The following LRRC7 variants were observed in gnomAD, a reference collection of about 807,000 sequenced individuals.
LRRC7 encodes the protein leucine-rich repeat-containing protein 7.
A neutral mutation model predicts 175.7 loss-of-function variants in LRRC7; 23 were observed. That is an observed-to-expected ratio of 0.13 (90% CI 0.09 to 0.19). The LOEUF (loss-of-function observed/expected upper bound fraction) is 0.19. Ranked by LOEUF, LRRC7 falls within the 10% of genes least tolerant of loss-of-function variation. The pLI, the probability that LRRC7 is intolerant of heterozygous loss-of-function variation, is 1.00. For missense variants in LRRC7, 1,354 were observed against 1,904.7 expected (o/e 0.71, Z 5.38); for synonymous variants, 685 against 680.9 (o/e 1.01, Z -0.09).
intron 16 of LRRC7, 152 bp from the exon 17 acceptor site, chr1:70,022,974 G>C: frequency 1.0e-6 from 1 of 960,046 alleles, no homozygotes; most frequent in Non-Finnish European, 1.4e-6. Flanking sequence ...AATTAGTACT[G>C]TTTTATACAT....
intron 18 of LRRC7, among the ~76,000 whole-genome samples, chr1:70,028,801 C>CT (rs1558002935): frequency 6.6e-6 from 1 of 152,082 alleles, no homozygotes; most frequent in Admixed American, 6.6e-5. Context: ...TGGGTTACAA[C>CT]TTTTCTAGGA....
chr1:70,090,867 G>T (rs1663981182), intron 25 of LRRC7, among the ~76,000 whole-genome samples: 1 of 152,120 alleles, frequency 6.6e-6, no homozygotes, highest in African/African-American at 2.4e-5. Context: ...GCCCGAAACA[G>T]AGCCTTTAAC....
intron 7 of LRRC7, among the ~76,000 whole-genome samples, chr1:69,921,592 A>C (rs979364896): frequency 7.9e-5 from 12 of 152,106 alleles, no homozygotes; most frequent in African/African-American, 2.9e-4. Context: ...CTCCTATCTG[A>C]CATCACATTA....
intron 4 of LRRC7, among the ~76,000 whole-genome samples, chr1:69,823,580 A>C (rs1290467352): frequency 6.6e-6 from 1 of 152,094 alleles, no homozygotes; most frequent in Non-Finnish European, 1.5e-5. Flanking sequence ...CACATTAATA[A>C]TGTATATATT....
At chr1:69,978,008 T>TA (rs137950012) in intron 8 of LRRC7, among the ~76,000 whole-genome samples, 9,420 of 152,144 alleles carry the variant, frequency 0.062, 283 homozygotes, top group South Asian at 0.11. Flanking sequence ...TGCTTCTCCT[T>TA]CATAAGCATA....
chr1:69,901,956 A>G (rs1646146898), intron 7 of LRRC7, among the ~76,000 whole-genome samples: 1 of 152,100 alleles, frequency 6.6e-6, no homozygotes, highest in South Asian at 2.1e-4. Flanking sequence ...ATGATTCCCA[A>G]CTGTAATAAA....
chr1:70,044,205 G>T, intron 22 of LRRC7, 111 bp downstream of exon 22: 1 of 1,148,192 alleles, frequency 8.7e-7, no homozygotes, highest in Non-Finnish European at 1.2e-6. Flanking sequence ...AGGCTCCTAT[G>T]AGTCCAAAAA....
chr1:69,734,316 A>T lies in LRRC7; in HGVS notation c.101-25875A>T, dbSNP rs75854569. On this transcript the variant is annotated intron_variant, in intron 2 of 26. Coordinates refer to ENST00000651989, the MANE Select transcript of LRRC7 (RefSeq NM_001370785.2). ...ACATACCACGGACCCATGAGAAGGG[A>T]TGATTTTGAATATGCAGTTTGTTGA... 7.1e-3 allele frequency among the ~76,000 whole-genome samples: 1,086 copies of T among 152,034 alleles called. 13 individuals are homozygous for T. Among genetic ancestry groups the T allele is most frequent in the African/African-American group, 0.025 (1,040 of 41,542 alleles).
chr1:69,784,570 G>C (rs1674183661), intron 3 of LRRC7, among the ~76,000 whole-genome samples: 2 of 151,928 alleles, frequency 1.3e-5, no homozygotes, highest in Admixed American at 1.3e-4. Flanking sequence ...TGTTGTGAAG[G>C]GCTCCTTTCT....
intron 24 of LRRC7, among the ~76,000 whole-genome samples, chr1:70,084,617 AATGTACAAATTT>A (rs1663464863): frequency 6.6e-6 from 1 of 152,146 alleles, no homozygotes; most frequent in South Asian, 2.1e-4. Flanking sequence ...TGTGAACATT[AATGTACAAATTT>A]GTGTGGAGAT....
At chr1:70,031,688 T>C (rs190731381) in intron 18 of LRRC7, among the ~76,000 whole-genome samples, 4 of 152,322 alleles carry the variant, frequency 2.6e-5, no homozygotes, top group African/African-American at 9.6e-5. Context: ...CTAGGAATCA[T>C]AGTAGACACC....
intron 7 of LRRC7, among the ~76,000 whole-genome samples, chr1:69,869,299 G>T (rs1685272099): frequency 6.6e-6 from 1 of 152,040 alleles, no homozygotes; most frequent in Non-Finnish European, 1.5e-5. Flanking sequence ...AATAAAATTG[G>T]CACAGGATTA....
chr1:69,585,494 G>A (rs1646368736), intron 1 of LRRC7, among the ~76,000 whole-genome samples: 2 of 152,118 alleles, frequency 1.3e-5, no homozygotes, highest in African/African-American at 4.8e-5. Context: ...TTTACCATTT[G>A]CATAGATCAG....
chr1:69,672,082 ATG>A (rs1274615325), intron 1 of LRRC7, among the ~76,000 whole-genome samples: 3 of 152,178 alleles, frequency 2.0e-5, no homozygotes, highest in Non-Finnish European at 4.4e-5. Context: ...ATATGTATAC[ATG>A]TGCCATGTTG....
At position 69,740,848 on chromosome 1, in the gene LRRC7, G is replaced by A. The variant is rs151331626; in HGVS notation, c.101-19343G>A. ...CTGTCTCCAAATACAGTCACAGTGG[G>A]AGTTAGGCTTCAACATATGAATTTG... On this transcript the variant is annotated intron_variant, in intron 2 of 26. Coordinates refer to ENST00000651989, the MANE Select transcript of LRRC7 (RefSeq NM_001370785.2). 3.6e-3 allele frequency among the ~76,000 whole-genome samples: 540 copies of A among 152,094 alleles called. 4 individuals are homozygous for A. Among genetic ancestry groups the A allele is most frequent in the African/African-American group, 0.012 (480 of 41,512 alleles).
chr1:69,857,534 C>T (rs1683813924), intron 7 of LRRC7, among the ~76,000 whole-genome samples: 1 of 150,670 alleles, frequency 6.6e-6, no homozygotes, highest in South Asian at 2.1e-4. Flanking sequence ...AATAAAATAC[C>T]TAGGAATCCA....
intron 3 of LRRC7, among the ~76,000 whole-genome samples, chr1:69,768,849 A>G (rs576958778): frequency 1.3e-5 from 2 of 152,302 alleles, no homozygotes; most frequent in African/African-American, 4.8e-5. Context: ...AACTCTTAGT[A>G]CTTTTATCCA....
At chr1:70,013,201 CAA>C in intron 13 of LRRC7, 112 bp downstream of exon 13, 1 of 493,464 alleles carries the variant, frequency 2.0e-6, no homozygotes, top group Non-Finnish European at 3.6e-6. Flanking sequence ...ATACGGAATG[CAA>C]ATACTGATAC....
intron 2 of LRRC7, among the ~76,000 whole-genome samples, chr1:69,713,523 C>CT (rs533300138): frequency 2.6e-4 from 38 of 148,296 alleles, no homozygotes; most frequent in African/African-American, 4.0e-4. Context: ...GCTTATTTTA[C>CT]TTTTTTTTTT....
Sources: allele counts gnomAD v4.1 joint callset (sites outside exome capture counted in the v4.1 genomes callset), GRCh38; gene constraint gnomAD v4.1.1; transcripts MANE v1.5; gene names NCBI Gene and HGNC (gene_info 2026-07-23, HGNC 2026-07-21).